The following NOL11 variants were observed in gnomAD, a reference collection of about 807,000 sequenced individuals.
The protein encoded by NOL11 is nucleolar protein 11.
In NOL11, 42 loss-of-function variants were observed where a neutral mutation model predicts 93.0. The ratio of observed to expected loss-of-function variants is 0.45; its 90% confidence interval spans 0.35 to 0.58. The LOEUF (loss-of-function observed/expected upper bound fraction) is 0.58, where lower values mean the gene tolerates loss of function less well. NOL11 is among the 20% of genes least tolerant of loss of function. The pLI, the probability that NOL11 is intolerant of heterozygous loss-of-function variation, is 0.00. For missense variants in NOL11, 775 were observed against 841.8 expected, an observed-to-expected ratio of 0.92 and a Z score of 0.98; for synonymous variants, 296 against 293.7, an observed-to-expected ratio of 1.01 and a Z score of -0.08.
chr17:67,742,053 G>C (rs796565206), intron 16 of NOL11, among the ~76,000 whole-genome samples: 1 of 152,098 alleles, frequency 6.6e-6, no homozygotes, highest in Non-Finnish European at 1.5e-5. Flanking sequence ...AGATATTCTT[G>C]TATATTTATG....
chr17:67,726,914 A>C (rs1016643474), intron 7 of NOL11: 1 of 274,066 alleles, frequency 3.6e-6, no homozygotes, highest in Admixed American at 5.2e-5. Context: ...TATACTAGTC[A>C]CCATCATACT....
intron 15 of NOL11, 63 bp from the exon 16 acceptor site, chr17:67,739,453 G>A (rs574488374): frequency 1.0e-5 from 10 of 962,194 alleles, no homozygotes; most frequent in East Asian, 1.0e-4. Context: ...CTTCGTGATG[G>A]GTTTATATAA....
chr17:67,719,720 A>C lies in NOL11; in HGVS notation c.188A>C (p.Gln63Pro). 6.2e-7 allele frequency: 1 copy of C among 1,610,656 alleles called. No individual in the cohort carries two copies. The highest frequency in any genetic ancestry group is 8.5e-7 in the Non-Finnish European group (1 of 1,178,854). ...GGGAGCTGGTCAGTGAAACAAGGTC[A>C]AATTATAACATGTCCAGCTGTGTGC... ...PLGSWSVKQG[Q>P]IITCPAVCNF... Residue 63 changes from glutamine to proline, a missense_variant, in exon 2 of 18, where the codon CAA (glutamine) becomes CCA (proline). Gln to Pro is a moderately conservative substitution (Grantham distance 76). Coordinates refer to ENST00000253247, the MANE Select transcript of NOL11 (RefSeq NM_015462.5).
intron 6 of NOL11, among the ~76,000 whole-genome samples, chr17:67,725,444 G>T (rs1156590071): frequency 1.3e-5 from 2 of 152,080 alleles, no homozygotes; most frequent in South Asian, 4.1e-4. Context: ...CACCCTTCAT[G>T]GCTGCTTTTG....
chr17:67,728,083 A>G (rs963534048), intron 7 of NOL11, among the ~76,000 whole-genome samples: 8 of 152,024 alleles, frequency 5.3e-5, no homozygotes. Flanking sequence ...ACATGGTGAA[A>G]CCCCGTCTCC....
intron 4 of NOL11, 62 bp from the exon 5 acceptor site, chr17:67,722,518 A>G (rs1860582842): frequency 1.3e-6 from 2 of 1,528,978 alleles, no homozygotes; most frequent in Non-Finnish European, 1.7e-6. Flanking sequence ...ATTTTGATTG[A>G]TATGTGTCTC....
intron 9 of NOL11, chr17:67,736,459 T>C (rs543551546): frequency 1.3e-5 from 7 of 527,346 alleles, no homozygotes; most frequent in African/African-American, 9.8e-5. Context: ...TGTTTACCGA[T>C]GGCCTCATCT....
intron 2 of NOL11, 55 bp downstream of exon 2, chr17:67,719,842 A>G (rs988889338): frequency 1.4e-5 from 21 of 1,478,404 alleles, no homozygotes; most frequent in Non-Finnish European, 8.3e-6. Flanking sequence ...ATTATTAACT[A>G]TTTGTATTTA....
chr17:67,743,503 C>G lies in NOL11; in HGVS notation c.1960C>G (p.Leu654Val). Residue 654 changes from leucine (L) to valine (V), a missense_variant, in exon 17 of 18, where the codon CTG becomes GTG. By Grantham distance (32) the Leu-to-Val change is conservative. Around this residue, in one of 2 missense-constraint regions of NOL11, gnomAD observed 416 missense variants for 525.2 expected, o/e 0.79. Transcript: ENST00000253247. ...GATTATGGATTGGATATGTCTACTT[C>G]TGGATGCAAATTTTACTGTTGTTGT... Reference protein sequence around the residue: ...NQIMDWICLLLDANFTVVVMM... With the variant: ...NQIMDWICLLVDANFTVVVMM... 1 of 1,572,986 alleles carries G rather than the reference C, an allele frequency of 6.4e-7. No homozygotes were observed. Among genetic ancestry groups the G allele is most frequent in the Non-Finnish European group, 8.7e-7 (1 of 1,145,994 alleles).
chr17:67,736,244 A>G (rs1599045739), intron 9 of NOL11, among the ~76,000 whole-genome samples: 1 of 151,892 alleles, frequency 6.6e-6, no homozygotes. Context: ...CCGGGAGTTC[A>G]AGACCAGCCT....
chr17:67,726,846 A>G, intron 7 of NOL11, 198 bp downstream of exon 7: 3 of 447,258 alleles, frequency 6.7e-6, no homozygotes, highest in African/African-American at 2.0e-5. Context: ...TTTCAAAAAC[A>G]CTTCTTGCTA....
Position 67,723,987 on chromosome 17 carries a change from A to G in NOL11, c.520-62A>G, listed in dbSNP as rs915684351. On this transcript the variant is annotated intron_variant, in intron 5 of 17. Transcript: ENST00000253247. ...AATGGGGTGACAACTTCTGGTTTTA[A>G]CATATGTTAAAATACTTGGTTGAAA... The G allele has an allele frequency of 2.5e-6, 3 of 1,213,834 alleles. No homozygotes were observed. The African/African-American group carries it at 4.6e-5, about 18-fold the overall frequency. 75.2% of individuals were successfully genotyped at this position (1,213,834 alleles called of 1,614,324 possible).
In NOL11 at chr17:67,721,515, A is replaced by G. The variant is rs1246571310; in HGVS notation, c.450A>G (p.Glu150=). 1.7e-5 allele frequency: 27 copies of G among 1,612,206 alleles called. No homozygotes were observed. The highest frequency in any genetic ancestry group is 2.2e-5 in the Non-Finnish European group (26 of 1,179,350). ...QQKIETVISD[E]EVIKWTKFFV... ...AAATTGAAACTGTTATCTCTGATGA[A>G]GAAGTGATTAAGTAAGTTCCAGTAC... The change falls in exon 4 of 18, where the codon GAA becomes GAG. Residue 150 remains glutamate (E), a synonymous_variant. Transcript: ENST00000253247.
At chr17:67,733,058 A>C (rs986644374) in intron 7 of NOL11, among the ~76,000 whole-genome samples, 2 of 151,600 alleles carry the variant, frequency 1.3e-5, no homozygotes, top group South Asian at 4.2e-4. Flanking sequence ...AGTTAGTTTT[A>C]CCTCCATTTA....
chr17:67,734,601 A>G (rs1047063111), intron 8 of NOL11, among the ~76,000 whole-genome samples, 162 bp downstream of exon 8: 4 of 152,310 alleles, frequency 2.6e-5, no homozygotes, highest in South Asian at 2.1e-4. Context: ...TTTCTGCCTA[A>G]TAAATATGCT....
At chr17:67,734,818 GTAAA>G (rs2055186865) in intron 8 of NOL11, among the ~76,000 whole-genome samples, 1 of 152,100 alleles carries the variant, frequency 6.6e-6, no homozygotes, top group Admixed American at 6.6e-5. Flanking sequence ...TCTCATCTCT[GTAAA>G]TAAATAAGTA....
Position 67,739,295 on chromosome 17 carries a change from A to G in NOL11, c.1843-221A>G, listed in dbSNP as rs180792996. ...GCAGACAGAAGGGTTCTCTCTACCT[A>G]TTATTTACAAACAATGAGCTTATCA... On this transcript the variant is annotated intron_variant, in intron 15 of 17. Transcript: ENST00000253247. 2.6e-4 allele frequency among the ~76,000 whole-genome samples: 40 copies of G among 152,318 alleles called. No homozygotes were observed. The East Asian group carries it at 7.3e-3, about 28-fold the overall frequency.
At chr17:67,720,165 A>T (rs2043207193) in intron 3 of NOL11, among the ~76,000 whole-genome samples, 1 of 152,194 alleles carries the variant, frequency 6.6e-6, no homozygotes, top group Admixed American at 6.5e-5. Context: ...ATAATTGATG[A>T]ATGAGAAATT....
At position 67,743,909 on chromosome 17, in the gene NOL11, C is replaced by A; in HGVS notation, c.*50C>A. The A allele has an allele frequency of 1.0e-6, 1 of 954,254 alleles. No homozygotes were observed. The highest frequency in any genetic ancestry group is 1.6e-6 in the Non-Finnish European group (1 of 626,750). 59.1% of individuals were successfully genotyped at this position (954,254 alleles called of 1,614,324 possible). A position where few individuals can be genotyped will look rare whatever the true frequency, so the allele number is the denominator to read the frequency against. On this transcript the variant is annotated 3_prime_UTR_variant, in exon 18 of 18. Transcript: ENST00000253247. ...ATTTTATAAAGCTCTTTTATGTGAA[C>A]TCTTGCTTCATCCAGGCAAGAACGG...
Sources: allele counts gnomAD v4.1 joint callset (sites outside exome capture counted in the v4.1 genomes callset), GRCh38; gene constraint gnomAD v4.1.1; regional missense constraint gnomAD v4.1.1; transcripts MANE v1.5; gene names NCBI Gene and HGNC (gene_info 2026-07-23, HGNC 2026-07-21).